PCSK5: variants seen among roughly 807,000 people sequenced by gnomAD.
The protein encoded by PCSK5 is prohormone convertase 5.
In PCSK5, 129 loss-of-function variants were observed where a neutral mutation model predicts 233.2. The observed-to-expected ratio is 0.55, with a 90% confidence interval of 0.48 to 0.64. The LOEUF is 0.64. Ranked by LOEUF, PCSK5 falls within the 30% of genes least tolerant of loss-of-function variation. The pLI is 0.00. For synonymous variants in PCSK5, 825 were observed against 879.2 expected (o/e 0.94, Z 1.09); for missense variants, 2,076 against 2,430.1 (o/e 0.85, Z 3.06).
chr9:76,218,118 C>T (rs1825603977), intron 20 of PCSK5, among the ~76,000 whole-genome samples: 1 of 152,028 alleles, frequency 6.6e-6, no homozygotes, highest in Non-Finnish European at 1.5e-5. Flanking sequence ...CTTGATGAAA[C>T]TCTGCTGGGG....
At chr9:75,960,010 G>C in intron 2 of PCSK5, among the ~76,000 whole-genome samples, 1 of 152,178 alleles carries the variant, frequency 6.6e-6, no homozygotes, top group Non-Finnish European at 1.5e-5. Flanking sequence ...AGTTTGTGGA[G>C]GACCTAGGAT....
chr9:76,228,210 A>G (rs1447905504), intron 21 of PCSK5, among the ~76,000 whole-genome samples: 4 of 151,472 alleles, frequency 2.6e-5, no homozygotes, highest in Admixed American at 6.6e-5. Context: ...TTCCTCTCCT[A>G]TTTCTGAATG....
chr9:76,089,042 A>G (rs984400370), intron 7 of PCSK5, among the ~76,000 whole-genome samples: 2 of 151,792 alleles, frequency 1.3e-5, no homozygotes, highest in African/African-American at 4.8e-5. Context: ...GCTAGTCAGA[A>G]TGTCCTTGAG....
chr9:76,261,126 C>T (rs1827160735), intron 24 of PCSK5, among the ~76,000 whole-genome samples: 2 of 152,064 alleles, frequency 1.3e-5, no homozygotes, highest in African/African-American at 4.8e-5. Context: ...ACCAAGTGTA[C>T]AGATTAACAA....
In PCSK5 at chr9:76,354,157, A is replaced by G. The variant is rs1029174926; in HGVS notation, c.5192A>G (p.His1731Arg). The part of the protein sequence containing the change: ...VLHMDDSHCL[H>R]CCNTSDPPSA... Reference sequence around the variant, plus strand: ...CACATGGACGACAGCCACTGCCTCCACTGCTGCAACACCTCTGATCCCCCC... The same window carrying G: ...CACATGGACGACAGCCACTGCCTCCGCTGCTGCAACACCTCTGATCCCCCC... Residue 1731 changes from histidine (H) to arginine (R), a missense_variant, in exon 37 of 38, where the codon CAC (histidine) becomes CGC (arginine). Physicochemically the swap from His to Arg is conservative, Grantham distance 29 (BLOSUM62 0). Coordinates refer to ENST00000674117, the MANE Select transcript of PCSK5 (RefSeq NM_001372043.1). 19 of 1,593,700 alleles carry G rather than the reference A, an allele frequency of 1.2e-5. No individual in the cohort carries two copies. Among genetic ancestry groups the G allele is most frequent in the Non-Finnish European group, 1.6e-5 (19 of 1,170,868 alleles).
intron 3 of PCSK5, among the ~76,000 whole-genome samples, chr9:76,006,115 T>G (rs1827468020): frequency 6.6e-6 from 1 of 152,104 alleles, no homozygotes; most frequent in Admixed American, 6.5e-5. Flanking sequence ...ATGGCATCTC[T>G]GTGTGTTTTA....
intron 18 of PCSK5, 56 bp from the exon 19 acceptor site, chr9:76,189,038 A>G (rs1012863592): frequency 2.1e-5 from 33 of 1,551,548 alleles, no homozygotes; most frequent in Non-Finnish European, 2.5e-5. Context: ...GAAGCCCATG[A>G]CACCACCTCC....
At chr9:76,121,597 G>A (rs966811214) in intron 9 of PCSK5, among the ~76,000 whole-genome samples, 3 of 152,142 alleles carry the variant, frequency 2.0e-5, no homozygotes, top group African/African-American at 7.2e-5. Flanking sequence ...TTTAACCCAC[G>A]TTGGTTTGAC....
chr9:76,177,970 A>G (rs1823691944), intron 14 of PCSK5, among the ~76,000 whole-genome samples: 1 of 151,288 alleles, frequency 6.6e-6, no homozygotes, highest in African/African-American at 2.4e-5. Flanking sequence ...TTTTAATTCT[A>G]GAAGTCATCT....
chr9:75,976,297 CA>C (rs147484794), intron 2 of PCSK5, among the ~76,000 whole-genome samples: 1 of 68,754 alleles, frequency 1.5e-5, no homozygotes, highest in Non-Finnish European at 4.9e-5. Flanking sequence ...CACACACACA[CA>C]CACACACACA....
intron 20 of PCSK5, among the ~76,000 whole-genome samples, chr9:76,199,247 A>G (rs1824819566): frequency 6.6e-6 from 1 of 152,174 alleles, no homozygotes; most frequent in Non-Finnish European, 1.5e-5. Context: ...CTAGGCCACA[A>G]AGCTGTACAG....
At chr9:76,281,990 C>T (rs11507274) in intron 24 of PCSK5, among the ~76,000 whole-genome samples, 2 of 151,616 alleles carry the variant, frequency 1.3e-5, no homozygotes, top group Admixed American at 6.6e-5. Context: ...CAATAGCTGC[C>T]GTAGAGATTC....
intron 12 of PCSK5, among the ~76,000 whole-genome samples, chr9:76,161,992 C>T (rs543967743): frequency 3.3e-5 from 5 of 152,258 alleles, no homozygotes; most frequent in Admixed American, 2.6e-4. Context: ...GTGTGGCTCT[C>T]GTTTATCCTC....
chr9:76,251,104 C>A (rs1564135494), intron 24 of PCSK5, among the ~76,000 whole-genome samples: 1 of 151,804 alleles, frequency 6.6e-6, no homozygotes. Context: ...ACCATTTGTA[C>A]ACAAAATTTA....
intron 9 of PCSK5, among the ~76,000 whole-genome samples, chr9:76,118,386 A>G (rs951201316): frequency 6.6e-6 from 1 of 152,168 alleles, no homozygotes; most frequent in South Asian, 2.1e-4. Context: ...TCTTACTTGT[A>G]TGAAATGATG....
At chr9:76,100,797 C>T (rs1362623250) in intron 8 of PCSK5, among the ~76,000 whole-genome samples, 1 of 152,132 alleles carries the variant, frequency 6.6e-6, no homozygotes, top group Non-Finnish European at 1.5e-5. Flanking sequence ...CACAGTTGAA[C>T]CTCTTGCAAA....
intron 1 of PCSK5, among the ~76,000 whole-genome samples, chr9:75,932,116 G>A (rs1270780616): frequency 1.3e-5 from 2 of 152,200 alleles, no homozygotes; most frequent in Non-Finnish European, 2.9e-5. Flanking sequence ...ATTAAAAGGA[G>A]ATTTGGAGAG....
chr9:76,002,051 A>G (rs982126891), intron 3 of PCSK5, among the ~76,000 whole-genome samples: 1 of 152,254 alleles, frequency 6.6e-6, no homozygotes, highest in African/African-American at 2.4e-5. Context: ...TGTAATTCCC[A>G]TAGAAGAAAA....
chr9:75,931,932 AT>A (rs1357303841), intron 1 of PCSK5, among the ~76,000 whole-genome samples: 2 of 152,368 alleles, frequency 1.3e-5, no homozygotes, highest in Non-Finnish European at 2.9e-5. Context: ...CTTAAGACAT[AT>A]TTCAAATTAA....
Sources: gnomAD v4.1 joint callset for allele counts (sites outside exome capture counted in the v4.1 genomes callset) on GRCh38, gnomAD v4.1.1 for gene constraint, MANE v1.5 for transcripts, NCBI Gene and HGNC (gene_info 2026-07-23, HGNC 2026-07-21) for gene names.